LDLRAD3: variants seen among roughly 807,000 people sequenced by gnomAD.
The protein encoded by LDLRAD3 is low density lipoprotein receptor class A domain containing 3, also known as low-density lipoprotein receptor class A domain-containing protein 3.
Under a neutral mutation model 29.4 loss-of-function variants are expected in LDLRAD3, and 20 were observed. The observed-to-expected ratio is 0.68, with a 90% CI of 0.48 to 0.99. The LOEUF is 0.99. Among genes scored for constraint, LDLRAD3 ranks in the 50% least tolerant of loss-of-function variants. The pLI is 0.00. For missense variants in LDLRAD3, 420 were observed against 454.3 expected, an observed-to-expected ratio of 0.92 and a Z score of 0.69; for synonymous variants, 157 against 192.7, an observed-to-expected ratio of 0.81 and a Z score of 1.53.
intron 2 of LDLRAD3, among the ~76,000 whole-genome samples, 164 bp downstream of exon 2, chr11:36,036,413 G>A (rs1852305644): frequency 6.6e-6 from 1 of 152,158 alleles, no homozygotes; most frequent in South Asian, 2.1e-4. Flanking sequence ...CCATCTCAGA[G>A]TCACATGCTC....
chr11:36,140,305 G>A (rs958222515), intron 4 of LDLRAD3, among the ~76,000 whole-genome samples: 5 of 152,154 alleles, frequency 3.3e-5, no homozygotes, highest in African/African-American at 1.2e-4. Flanking sequence ...GAATACCTTG[G>A]CCTGTGTAGA....
In LDLRAD3 at chr11:36,230,854, T is replaced by C. The variant is rs1855566268; in HGVS notation, c.*1457T>C. On this transcript the variant is annotated 3_prime_UTR_variant, in exon 6 of 6. Coordinates refer to ENST00000315571, the MANE Select transcript of LDLRAD3 (RefSeq NM_174902.4). ...AACCTGTGTGCCAGACATTTGTGCA[T>C]TGTTGCACTTTGAGGTTATTATTTA... is the stretch of plus-strand genomic sequence containing the variant. 6.5e-6 allele frequency: 1 copy of C among 152,718 alleles called. No homozygotes were observed. Among genetic ancestry groups the C allele is most frequent in the South Asian group, 2.1e-4 (1 of 4,822 alleles). 9.5% of individuals were successfully genotyped at this position (152,718 alleles called of 1,614,324 possible).
intron 4 of LDLRAD3, among the ~76,000 whole-genome samples, chr11:36,105,756 A>G (rs1853520406): frequency 6.6e-6 from 1 of 152,112 alleles, no homozygotes; most frequent in Admixed American, 6.6e-5. Context: ...GAAGGAGCCA[A>G]CCCTGCGGAC....
At chr11:36,167,034 T>C (rs1459877016) in intron 4 of LDLRAD3, among the ~76,000 whole-genome samples, 1 of 152,212 alleles carries the variant, frequency 6.6e-6, no homozygotes, top group Non-Finnish European at 1.5e-5. Context: ...GTCAACATTC[T>C]TCAGGAAAAT....
intron 4 of LDLRAD3, among the ~76,000 whole-genome samples, chr11:36,145,868 C>G (rs57516682): frequency 6.6e-6 from 1 of 151,714 alleles, no homozygotes; most frequent in African/African-American, 2.4e-5. Flanking sequence ...ACAAACACTG[C>G]GGAAGGCTGC....
intron 5 of LDLRAD3, among the ~76,000 whole-genome samples, chr11:36,228,103 C>T (rs987017314): frequency 2.6e-5 from 4 of 152,148 alleles, no homozygotes; most frequent in African/African-American, 9.7e-5. Flanking sequence ...GCAGTGGGCC[C>T]GTTTCCTGAT....
At chr11:36,091,672 T>C (rs1224485306) in intron 3 of LDLRAD3, among the ~76,000 whole-genome samples, 2 of 152,184 alleles carry the variant, frequency 1.3e-5, no homozygotes, top group African/African-American at 4.8e-5. Flanking sequence ...AAATAAATAT[T>C]GTAAAATAGA....
At position 36,166,886 on chromosome 11, in the gene LDLRAD3, A is replaced by C. The variant is rs187378646; in HGVS notation, c.455-60199A>C. Among the ~76,000 whole-genome samples the C allele has an allele frequency of 2.8e-4, 42 of 152,320 alleles. No homozygotes were observed. The East Asian group carries it at 7.9e-3, about 29-fold the overall frequency. On this transcript the variant is annotated intron_variant, in intron 4 of 5. Coordinates refer to ENST00000315571, the MANE Select transcript of LDLRAD3 (RefSeq NM_174902.4). ...TGCTGCTGATCCAAGCACCATTTGAATAGCGAGGCTCTAGTCTACCATATC... is the reference window on the plus strand; with the variant it reads ...TGCTGCTGATCCAAGCACCATTTGACTAGCGAGGCTCTAGTCTACCATATC...
At chr11:36,124,289 C>T (rs908050203) in intron 4 of LDLRAD3, among the ~76,000 whole-genome samples, 6 of 152,224 alleles carry the variant, frequency 3.9e-5, no homozygotes, top group Non-Finnish European at 8.8e-5. Context: ...ATGGAGAAAA[C>T]TTGGAGTTTG....
In LDLRAD3 at chr11:36,231,676, A is replaced by T. The variant is rs1311379890; in HGVS notation, c.*2279A>T. 6.6e-6 allele frequency: 1 copy of T among 152,080 alleles called. No individual in the cohort carries two copies. The highest frequency in any genetic ancestry group is 1.5e-5 in the Non-Finnish European group (1 of 68,018). 9.4% of individuals were successfully genotyped at this position (152,080 alleles called of 1,614,324 possible). On this transcript the variant is annotated 3_prime_UTR_variant, in exon 6 of 6. Coordinates refer to ENST00000315571, the MANE Select transcript of LDLRAD3 (RefSeq NM_174902.4). ...TAAAACAAACAGGGACATTTTTATT[A>T]TAGATTTGATTTTTTTAATGAATGT...
intron 1 of LDLRAD3, among the ~76,000 whole-genome samples, chr11:35,946,820 T>G (rs951412162): frequency 4.1e-4 from 63 of 152,130 alleles, no homozygotes; most frequent in African/African-American, 1.5e-3. Context: ...GGGGTGGGTT[T>G]TATTGTTTTT....
At chr11:36,035,548 T>G (rs1324196781) in intron 1 of LDLRAD3, among the ~76,000 whole-genome samples, 2 of 152,170 alleles carry the variant, frequency 1.3e-5, no homozygotes, top group Non-Finnish European at 2.9e-5. Flanking sequence ...AGTTCAAGAT[T>G]CAATGTGGCC....
intron 2 of LDLRAD3, among the ~76,000 whole-genome samples, chr11:36,036,552 T>G (rs1431557427): frequency 6.6e-6 from 1 of 152,158 alleles, no homozygotes; most frequent in Non-Finnish European, 1.5e-5. Flanking sequence ...ACGAGCCAAC[T>G]GAGCATCCCA....
Position 36,119,483 on chromosome 11 carries a change from C to G in LDLRAD3, c.454+21022C>G, listed in dbSNP as rs74855995. On this transcript the variant is annotated intron_variant, in intron 4 of 5. Transcript: ENST00000315571. ...AGGTTCTGACTTCTCTACATCCTCA[C>G]CAGCACTTATTATTCTCTGTGTTGT... Among the ~76,000 whole-genome samples the G allele has an allele frequency of 2.4e-4, 37 of 151,118 alleles. No individual in the cohort carries two copies. In the South Asian group the frequency reaches 7.6e-3, roughly 31 times the overall value.
At chr11:35,982,568 A>C (rs1851555216) in intron 1 of LDLRAD3, among the ~76,000 whole-genome samples, 1 of 152,186 alleles carries the variant, frequency 6.6e-6, no homozygotes. Context: ...AATTTGCACA[A>C]AGTAGCCTAC....
At chr11:36,095,915 A>G (rs1037682710) in intron 3 of LDLRAD3, among the ~76,000 whole-genome samples, 4 of 152,282 alleles carry the variant, frequency 2.6e-5, no homozygotes, top group Non-Finnish European at 5.9e-5. Flanking sequence ...ATGTTGATGG[A>G]CACAAGGGTT....
intron 4 of LDLRAD3, among the ~76,000 whole-genome samples, chr11:36,114,517 T>G (rs1165841299): frequency 6.6e-6 from 1 of 152,230 alleles, no homozygotes; most frequent in Non-Finnish European, 1.5e-5. Flanking sequence ...ACAGTTGTTC[T>G]CTGGATGACA....
chr11:35,987,897 G>A (rs974855479), intron 1 of LDLRAD3, among the ~76,000 whole-genome samples: 15 of 152,160 alleles, frequency 9.9e-5, no homozygotes, highest in Non-Finnish European at 1.6e-4. Flanking sequence ...GTGTATAAGC[G>A]TTCCGTTTGC....
chr11:36,185,968 A>G (rs1386536647), intron 4 of LDLRAD3, among the ~76,000 whole-genome samples: 1 of 152,202 alleles, frequency 6.6e-6, no homozygotes, highest in South Asian at 2.1e-4. Flanking sequence ...TGACATTTTT[A>G]TATATTAGAG....
Sources: allele counts gnomAD v4.1 joint callset (sites outside exome capture counted in the v4.1 genomes callset), GRCh38; gene constraint gnomAD v4.1.1; transcripts MANE v1.5; gene names NCBI Gene and HGNC (gene_info 2026-07-23, HGNC 2026-07-21).